ARL8B: variants seen among roughly 807,000 people sequenced by gnomAD.
The protein encoded by ARL8B is ARF like GTPase 8B.
A neutral mutation model predicts 30.6 loss-of-function variants in ARL8B; 9 were observed. That is an observed-to-expected ratio of 0.29 (90% CI 0.18 to 0.51). The LOEUF (loss-of-function observed/expected upper bound fraction) is 0.51. ARL8B is among the 20% of genes least tolerant of loss of function. The pLI is 0.97. For missense variants in ARL8B, 130 were observed against 227.2 expected, an observed-to-expected ratio of 0.57 and a Z score of 2.75; for synonymous variants, 74 against 76.0, an observed-to-expected ratio of 0.97 and a Z score of 0.14.
In ARL8B at chr3:5,164,839, T is replaced by TAA. The variant is rs569837965; in HGVS notation, c.124-5664_124-5663insAA. ...TACTGCTTTTAATTGTCATGTCTCT[T>TAA]TAGCCTCTGTTAGTCTGAAACATTT... On this transcript the variant is annotated intron_variant, in intron 1 of 6. Transcript: ENST00000256496. 3.1e-3 allele frequency among the ~76,000 whole-genome samples: 476 copies of TAA among 152,344 alleles called. 1 individual carries two copies. The highest frequency in any genetic ancestry group is 0.011 in the African/African-American group (463 of 41,582).
intron 1 of ARL8B, among the ~76,000 whole-genome samples, chr3:5,166,294 T>C (rs2054623406): frequency 6.6e-6 from 1 of 150,728 alleles, no homozygotes; most frequent in South Asian, 2.1e-4. Flanking sequence ...CACCTCGGCC[T>C]CCCAAAGTGC....
chr3:5,136,034 C>T (rs1344096419), intron 1 of ARL8B, among the ~76,000 whole-genome samples: 2 of 148,466 alleles, frequency 1.3e-5, no homozygotes, highest in African/African-American at 2.5e-5. Context: ...GCAGTCCACC[C>T]GCCTCGGCCT....
chr3:5,174,510 C>T (rs1339468726), intron 6 of ARL8B, 96 bp downstream of exon 6: 5 of 839,142 alleles, frequency 6.0e-6, no homozygotes, highest in African/African-American at 1.7e-5. Flanking sequence ...CATTAAGTGA[C>T]TTCCTTTTCA....
At chr3:5,170,694 T>C (rs1408502796) in intron 2 of ARL8B, 111 bp downstream of exon 2, 1 of 690,648 alleles carries the variant, frequency 1.4e-6, no homozygotes, top group Non-Finnish European at 2.4e-6. Context: ...CAGTAATGAA[T>C]GTGCATGTTT....
At chr3:5,173,455 C>T (rs1045399768) in intron 4 of ARL8B, among the ~76,000 whole-genome samples, 14 of 152,070 alleles carry the variant, frequency 9.2e-5, no homozygotes, top group African/African-American at 1.9e-4. Flanking sequence ...AGCAGAATGC[C>T]GCCGGGCGCG....
At chr3:5,147,769 C>T (rs1433699908) in intron 1 of ARL8B, among the ~76,000 whole-genome samples, 2 of 151,916 alleles carry the variant, frequency 1.3e-5, no homozygotes, top group Admixed American at 6.6e-5. Flanking sequence ...GTCAGGCCAG[C>T]TCTATGTTAC....
Position 5,179,758 on chromosome 3 carries a change from CTT to C in ARL8B, c.*1048_*1049del, listed in dbSNP as rs1343986695. ...TCTTACTGATGTAAGCTTTGGCACT[CTT>C]TTGACTGGTGCCATTAGACATCTTG... On this transcript the variant is annotated 3_prime_UTR_variant, in exon 7 of 7. Coordinates refer to ENST00000256496, the MANE Select transcript of ARL8B (RefSeq NM_018184.3). 6 of 152,626 alleles carry C rather than the reference CTT, an allele frequency of 3.9e-5. No individual in the cohort carries two copies. The East Asian group carries it at 1.2e-3, about 29-fold the overall frequency. 9.5% of individuals were successfully genotyped at this position (152,626 alleles called of 1,614,324 possible).
At chr3:5,158,940 C>T (rs956302454) in intron 1 of ARL8B, among the ~76,000 whole-genome samples, 3 of 151,986 alleles carry the variant, frequency 2.0e-5, no homozygotes. Context: ...AGTCTTCCTC[C>T]GTAAGGGATT....
intron 1 of ARL8B, among the ~76,000 whole-genome samples, chr3:5,150,949 A>G (rs1344856287): frequency 1.3e-5 from 2 of 152,178 alleles, no homozygotes; most frequent in Admixed American, 6.5e-5. Flanking sequence ...TTTTCAAGAA[A>G]TAGGTTCATT....
chr3:5,172,034 C>T (rs2054681369), intron 2 of ARL8B, 116 bp from the exon 3 acceptor site: 3 of 984,020 alleles, frequency 3.0e-6, no homozygotes, highest in Non-Finnish European at 4.6e-6. Flanking sequence ...AGCACTTTGC[C>T]TCTAACATTG....
At chr3:5,132,062 G>T (rs954452134) in intron 1 of ARL8B, among the ~76,000 whole-genome samples, 9 of 152,106 alleles carry the variant, frequency 5.9e-5, no homozygotes, top group South Asian at 4.2e-4. Context: ...AAAAAAATTT[G>T]TTTTTTTGTA....
intron 1 of ARL8B, 48 bp from the exon 2 acceptor site, chr3:5,170,455 T>C: frequency 7.8e-7 from 1 of 1,285,036 alleles, no homozygotes; most frequent in Non-Finnish European, 1.1e-6. Context: ...GTTTATGCAG[T>C]GTCATTATAA....
rs558016108 is a variant in ARL8B, at chr3:5,161,116, T to A, written c.124-9387T>A. Among the ~76,000 whole-genome samples the A allele has an allele frequency of 2.6e-5, 4 of 152,318 alleles. No homozygotes were observed. The East Asian group carries it at 7.7e-4, about 29-fold the overall frequency. On this transcript the variant is annotated intron_variant, in intron 1 of 6. Coordinates refer to ENST00000256496, the MANE Select transcript of ARL8B (RefSeq NM_018184.3). ...TGTATTTTTTGTAGAGATGGGGTCT[T>A]GCTTTGTTATCCAGGCTGGTTTCAA...
At chr3:5,146,055 G>C (rs1302006860) in intron 1 of ARL8B, among the ~76,000 whole-genome samples, 1 of 152,178 alleles carries the variant, frequency 6.6e-6, no homozygotes, top group Non-Finnish European at 1.5e-5. Context: ...TGGAAGGTTG[G>C]AATTCCTCCA....
chr3:5,173,401 T>A (rs1347365384), intron 4 of ARL8B, among the ~76,000 whole-genome samples: 1 of 152,218 alleles, frequency 6.6e-6, no homozygotes, highest in African/African-American at 2.4e-5. Context: ...ACACTTCTGG[T>A]CCCAGGTATT....
At chr3:5,145,432 A>G (rs1164903375) in intron 1 of ARL8B, among the ~76,000 whole-genome samples, 1 of 152,074 alleles carries the variant, frequency 6.6e-6, no homozygotes, top group Admixed American at 6.5e-5. Context: ...ACTCTCCTCT[A>G]CCAGCAGGGC....
intron 1 of ARL8B, among the ~76,000 whole-genome samples, chr3:5,126,256 T>C (rs1415868647): frequency 6.6e-6 from 1 of 152,156 alleles, no homozygotes; most frequent in Non-Finnish European, 1.5e-5. Context: ...GTGTCCAAAA[T>C]AGTAAGTTTA....
At chr3:5,161,872 C>T (rs978492842) in intron 1 of ARL8B, among the ~76,000 whole-genome samples, 1 of 152,278 alleles carries the variant, frequency 6.6e-6, no homozygotes. Context: ...CTCTGTTTTG[C>T]ATAGCATATA....
At chr3:5,122,707 C>G in intron 1 of ARL8B, 119 bp downstream of exon 1, 1 of 1,165,924 alleles carries the variant, frequency 8.6e-7, no homozygotes, top group Non-Finnish European at 1.2e-6. Flanking sequence ...GGGGGGCGTG[C>G]GAAGCTGGGC....
Sources: gnomAD v4.1 joint callset for allele counts (sites outside exome capture counted in the v4.1 genomes callset) on GRCh38, gnomAD v4.1.1 for gene constraint, MANE v1.5 for transcripts, NCBI Gene and HGNC (gene_info 2026-07-23, HGNC 2026-07-21) for gene names.